Variants in NDFIP1 observed in about 807,000 individuals in gnomAD.
NDFIP1 encodes the protein Nedd4 family interacting protein 1.
Under a neutral mutation model 28.8 loss-of-function variants are expected in NDFIP1, and 7 were observed. That is an observed-to-expected ratio of 0.24 (90% CI 0.14 to 0.46). The LOEUF (loss-of-function observed/expected upper bound fraction) is 0.46, where lower values mean the gene tolerates loss of function less well. NDFIP1 is among the 20% of genes least tolerant of loss of function. The pLI is 0.99. For missense variants in NDFIP1, 194 were observed against 269.1 expected, an observed-to-expected ratio of 0.72 and a Z score of 1.95; for synonymous variants, 92 against 101.0, an observed-to-expected ratio of 0.91 and a Z score of 0.53.
chr5:142,119,192 C>G (rs1757098201), intron 1 of NDFIP1, among the ~76,000 whole-genome samples: 1 of 152,202 alleles, frequency 6.6e-6, no homozygotes, highest in Non-Finnish European at 1.5e-5. Context: ...ATGGGTCACT[C>G]TAGCCTACTC....
chr5:142,113,548 A>G (rs1757036321), intron 1 of NDFIP1, among the ~76,000 whole-genome samples: 1 of 152,214 alleles, frequency 6.6e-6, no homozygotes, highest in Non-Finnish European at 1.5e-5. Context: ...TTCCTTTGAA[A>G]ACTTTAATTG....
In NDFIP1 at chr5:142,108,902, T is replaced by C. The variant is rs11547553; in HGVS notation, c.-73T>C. 1.5e-6 allele frequency: 2 copies of C among 1,310,416 alleles called. No individual in the cohort carries two copies. The highest frequency in any genetic ancestry group is 1.8e-5 in the South Asian group (1 of 54,224). The allele number at this position is 1,310,416 out of a possible 1,614,324, so 81.2% of individuals were successfully genotyped here. A position where few individuals can be genotyped will look rare whatever the true frequency, so the allele number is the denominator to read the frequency against. On this transcript the variant is annotated 5_prime_UTR_variant, in exon 1 of 8. Coordinates refer to ENST00000253814, the MANE Select transcript of NDFIP1 (RefSeq NM_030571.4). ...CGCGTCCCCCTCGGCCTCCCAGCGCTCCCAAGCCGCAGCGGCCGCGCCCCT... is the reference window on the plus strand; with the variant it reads ...CGCGTCCCCCTCGGCCTCCCAGCGCCCCCAAGCCGCAGCGGCCGCGCCCCT...
rs924554350 is a variant in NDFIP1, at chr5:142,131,656, G to C, written c.64-152G>C. 5.6e-6 allele frequency: 3 copies of C among 539,646 alleles called. No individual in the cohort carries two copies. The African/African-American group carries it at 5.9e-5, about 11-fold the overall frequency. 33.4% of individuals were successfully genotyped at this position (539,646 alleles called of 1,614,324 possible). ...ATTTCCATAGAATAACTTCCTGGGAGTAGAATACTTTTCTTAAAGGATTTG... is the reference window on the plus strand; with the variant it reads ...ATTTCCATAGAATAACTTCCTGGGACTAGAATACTTTTCTTAAAGGATTTG... On this transcript the variant is annotated intron_variant, in intron 1 of 7. Coordinates refer to ENST00000253814, the MANE Select transcript of NDFIP1 (RefSeq NM_030571.4).
chr5:142,137,769 T>G lies in NDFIP1; in HGVS notation c.406T>G (p.Ser136Ala). The change falls in exon 5 of 8, where the codon TCT (serine) becomes GCT (alanine). Residue 136 changes from serine (S) to alanine (A), a missense_variant. Ser to Ala is a moderately conservative substitution (Grantham distance 99, BLOSUM62 1). Transcript: ENST00000253814. ...FLFNWIGFFL[S>A]FCLTTSAAGR... The stretch of plus-strand genomic sequence containing the variant: ...CTTTAACTGGATTGGGTTTTTCCTG[T>G]CTTTTTGCCTGACCACTTCAGCTGC... 1.2e-6 allele frequency: 2 copies of G among 1,614,212 alleles called. No individual in the cohort carries two copies. The highest frequency in any genetic ancestry group is 1.7e-6 in the Non-Finnish European group (2 of 1,180,026).
rs1179188708 is a variant in NDFIP1 at position 142,108,942 on chromosome 5, C to G, written c.-33C>G. On this transcript the variant is annotated 5_prime_UTR_variant, in exon 1 of 8. Transcript: ENST00000253814. ...GCCGCGCCCCTTCAGCTAGCTCGCT[C>G]GCTCGCTCTGCTTCCCTGCTGCCGG... The G allele has an allele frequency of 2.8e-6, 4 of 1,425,880 alleles. No homozygotes were observed. Among genetic ancestry groups the G allele is most frequent in the Non-Finnish European group, 3.7e-6 (4 of 1,092,000 alleles). The allele number at this position is 1,425,880 out of a possible 1,614,324, so 88.3% of individuals were successfully genotyped here.
intron 1 of NDFIP1, among the ~76,000 whole-genome samples, chr5:142,121,694 C>A (rs922918527): frequency 6.6e-6 from 1 of 152,236 alleles, no homozygotes; most frequent in Admixed American, 6.5e-5. Flanking sequence ...AAACCATCAT[C>A]ACTGTCCTCT....
chr5:142,116,319 TTTATTTCC>T (rs972110219), intron 1 of NDFIP1, among the ~76,000 whole-genome samples: 6 of 142,942 alleles, frequency 4.2e-5, no homozygotes, highest in Non-Finnish European at 9.2e-5. Flanking sequence ...TATTTATTTA[TTTATTTCC>T]TTCCTTCCTT....
Position 142,152,315 on chromosome 5 carries a change from A to G in NDFIP1, c.*587A>G, listed in dbSNP as rs973098353. On this transcript the variant is annotated 3_prime_UTR_variant, in exon 8 of 8. Transcript: ENST00000253814. ...TCAAAAATAAGTCTTTAATTGGTAAATAATAAGCATTAATTTTTTATAGCC... is the reference window on the plus strand; with the variant it reads ...TCAAAAATAAGTCTTTAATTGGTAAGTAATAAGCATTAATTTTTTATAGCC... The G allele has an allele frequency of 1.3e-5, 2 of 152,542 alleles. No homozygotes were observed. The highest frequency in any genetic ancestry group is 2.9e-5 in the Non-Finnish European group (2 of 68,032). The allele number at this position is 152,542 out of a possible 1,614,324, so 9.4% of individuals were successfully genotyped here. A position where few individuals can be genotyped will look rare whatever the true frequency, so the allele number is the denominator to read the frequency against.
chr5:142,143,379 G>C (rs977989977), intron 6 of NDFIP1: 6 of 152,200 alleles, frequency 3.9e-5, no homozygotes, highest in African/African-American at 1.4e-4. Context: ...GTATTTGAAG[G>C]GGTAACCCCT....
intron 5 of NDFIP1, chr5:142,138,059 T>C: frequency 2.0e-6 from 1 of 508,914 alleles, no homozygotes; most frequent in Non-Finnish European, 3.4e-6. Flanking sequence ...TCAAATCTAT[T>C]GAAAACTGGT....
rs1053085216 is a variant in NDFIP1, at chr5:142,152,843, A to G, written c.*1115A>G. 1 of 163,618 alleles carries G rather than the reference A, an allele frequency of 6.1e-6. No individual in the cohort carries two copies. Among genetic ancestry groups the G allele is most frequent in the Non-Finnish European group, 1.3e-5 (1 of 74,872 alleles). 10.1% of individuals were successfully genotyped at this position (163,618 alleles called of 1,614,324 possible). On this transcript the variant is annotated 3_prime_UTR_variant, in exon 8 of 8. Coordinates refer to ENST00000253814, the MANE Select transcript of NDFIP1 (RefSeq NM_030571.4). Reference sequence around the variant, plus strand: ...GTTGATTGCTAAGGCAATTTTTTCTAATCTTAGGGAATCATTCAGTAGATG... The same window carrying G: ...GTTGATTGCTAAGGCAATTTTTTCTGATCTTAGGGAATCATTCAGTAGATG...
At chr5:142,135,030 G>A (rs1328646160) in intron 3 of NDFIP1, among the ~76,000 whole-genome samples, 1 of 151,922 alleles carries the variant, frequency 6.6e-6, no homozygotes, top group Non-Finnish European at 1.5e-5. Flanking sequence ...CCAGGCTGGA[G>A]TGCAGTGGTG....
At chr5:142,140,465 AGAAT>A in intron 5 of NDFIP1, 94 bp from the exon 6 acceptor site, 1 of 965,306 alleles carries the variant, frequency 1.0e-6, no homozygotes, top group South Asian at 1.6e-5. Flanking sequence ...AAAAAAAAAA[AGAAT>A]AAGTCTTGCA....
At chr5:142,135,384 C>G (rs952508455) in intron 3 of NDFIP1, among the ~76,000 whole-genome samples, 4 of 152,004 alleles carry the variant, frequency 2.6e-5, no homozygotes, top group Non-Finnish European at 5.9e-5. Flanking sequence ...TTTGTCTTTT[C>G]TTGAGGTATA....
intron 1 of NDFIP1, among the ~76,000 whole-genome samples, chr5:142,126,401 G>C (rs908565358): frequency 1.3e-5 from 2 of 152,092 alleles, no homozygotes; most frequent in African/African-American, 4.8e-5. Flanking sequence ...TTAAAGAAGG[G>C]ACTTGAAACT....
chr5:142,124,500 C>T (rs1596785784), intron 1 of NDFIP1, among the ~76,000 whole-genome samples: 1 of 152,178 alleles, frequency 6.6e-6, no homozygotes, highest in South Asian at 2.1e-4. Flanking sequence ...CCAAGGTGTA[C>T]TCATCAGTTA....
intron 1 of NDFIP1, among the ~76,000 whole-genome samples, chr5:142,125,315 T>A (rs141821400): frequency 2.1e-4 from 32 of 152,314 alleles, no homozygotes; most frequent in African/African-American, 7.7e-4. Flanking sequence ...TGTTTTCAGT[T>A]CTCTTGGGTA....
At chr5:142,122,379 A>G (rs550039824) in intron 1 of NDFIP1, among the ~76,000 whole-genome samples, 31 of 152,336 alleles carry the variant, frequency 2.0e-4, no homozygotes, top group Middle Eastern at 6.8e-3. Context: ...TCATTATGTG[A>G]AAATACCACA....
intron 1 of NDFIP1, among the ~76,000 whole-genome samples, chr5:142,109,787 C>T (rs191672340): frequency 2.0e-5 from 3 of 152,196 alleles, no homozygotes; most frequent in African/African-American, 7.2e-5. Context: ...CATTGAGGCC[C>T]CAGGGAAAAG....
Sources: gnomAD v4.1 joint callset for allele counts (sites outside exome capture counted in the v4.1 genomes callset) on GRCh38, gnomAD v4.1.1 for gene constraint, MANE v1.5 for transcripts, NCBI Gene and HGNC (gene_info 2026-07-23, HGNC 2026-07-21) for gene names.